SLC14A2: variants seen among roughly 807,000 people sequenced by gnomAD.
SLC14A2 encodes the protein urea transporter 2.
In SLC14A2, 91 loss-of-function variants were observed where a neutral mutation model predicts 104.6. The ratio of observed to expected loss-of-function variants is 0.87; its 90% CI spans 0.73 to 1.04. SLC14A2 has a LOEUF of 1.04. SLC14A2 is among the 50% of genes least tolerant of loss of function. The probability of loss-of-function intolerance (pLI) is 0.00; values close to 1 mark genes in which losing one functional copy is unlikely to be tolerated. For synonymous variants in SLC14A2, 476 were observed against 466.4 expected (o/e 1.02, Z -0.27); for missense variants, 1,189 against 1,156.0 (o/e 1.03, Z -0.41).
chr18:45,364,799 A>G (rs541538715), intron 1 of SLC14A2, among the ~76,000 whole-genome samples: 126 of 152,304 alleles, frequency 8.3e-4, no homozygotes, highest in African/African-American at 3.0e-3. Flanking sequence ...TTTCTCCAGA[A>G]GTAAGAATGG....
At chr18:45,202,226 A>T in the SLC14A2 span, among the ~76,000 whole-genome samples, 1 of 152,144 alleles carries the variant, frequency 6.6e-6, no homozygotes. Flanking sequence ...AGTGGTTGCT[A>T]TAGATATAGC....
At position 45,576,433 on chromosome 18, in the gene SLC14A2, G is replaced by A. The variant is rs189992921; in HGVS notation, c.-34-48198G>A. 2.2e-3 allele frequency among the ~76,000 whole-genome samples: 327 copies of A among 152,022 alleles called. 2 individuals are homozygous for A. The highest frequency in any genetic ancestry group is 7.5e-3 in the African/African-American group (309 of 41,454). On this transcript the variant is annotated intron_variant, in intron 2 of 20. Transcript: ENST00000586448. ...TGAGTAGCTGGGACTACAGGCACAC[G>A]CCACCACGCCCGGCTAATTTGTTTG... is the stretch of plus-strand genomic sequence containing the variant.
chr18:45,245,614 T>A (rs1286289121), intron 1 of SLC14A2, among the ~76,000 whole-genome samples: 2 of 152,238 alleles, frequency 1.3e-5, no homozygotes, highest in Non-Finnish European at 2.9e-5. Flanking sequence ...CTTTACTTTC[T>A]GGTCACAACC....
chr18:45,628,545 T>G (rs1568304981), intron 4 of SLC14A2, among the ~76,000 whole-genome samples: 1 of 152,156 alleles, frequency 6.6e-6, no homozygotes, highest in Non-Finnish European at 1.5e-5. Flanking sequence ...AGTGGGTACT[T>G]TTAACAAGGT....
chr18:45,373,866 C>A (rs1474871423), intron 1 of SLC14A2, among the ~76,000 whole-genome samples: 2 of 152,040 alleles, frequency 1.3e-5, no homozygotes, highest in African/African-American at 4.8e-5. Context: ...AAGACAGTGC[C>A]CCTAGATAGT....
chr18:45,570,169 G>A (rs986918329), intron 2 of SLC14A2, among the ~76,000 whole-genome samples: 2 of 152,154 alleles, frequency 1.3e-5, no homozygotes, highest in Non-Finnish European at 2.9e-5. Flanking sequence ...GAAGGATGAA[G>A]AACACAGCCC....
Position 45,431,865 on chromosome 18 carries a change from G to A in SLC14A2, c.-124-51368G>A, listed in dbSNP as rs555184611. ...AAATGAAGGAAGTGGGAAGTGTGAC[G>A]ATGAGGAGAGGAAGAAACAAACTTC... On this transcript the variant is annotated intron_variant, in intron 1 of 20. Transcript: ENST00000586448. Among the ~76,000 whole-genome samples, 70 of 152,322 alleles carry A rather than the reference G, an allele frequency of 4.6e-4. 1 individual carries two copies. The highest frequency in any genetic ancestry group is 7.8e-4 in the Admixed American group (12 of 15,306).
At chr18:45,622,705 G>A (rs940023536) in intron 1 of SLC14A2, among the ~76,000 whole-genome samples, 9 of 152,096 alleles carry the variant, frequency 5.9e-5, no homozygotes, top group Non-Finnish European at 1.3e-4. Flanking sequence ...CAGATATAAC[G>A]GCCAAAGAGT....
chr18:45,667,244 T>C (rs1843262557), intron 13 of SLC14A2, 150 bp downstream of exon 13: 2 of 616,116 alleles, frequency 3.2e-6, no homozygotes, highest in South Asian at 4.9e-5. Context: ...AGCTGGGAGT[T>C]TTGCTGTTAA....
Position 45,625,766 on chromosome 18 carries a change from G to T in SLC14A2, c.234G>T (p.Val78=). ...GGAGTAAAAGGAAAGACGACGGGGT[G>T]GCCCATCGGGACTCAGCAGGCCAAA... The part of the protein sequence containing the change: ...NERSKRKDDG[V]AHRDSAGQRC... Residue 78 remains valine (V), a synonymous_variant, in exon 3 of 20, where the codon GTG becomes GTT. Transcript: ENST00000255226. 6.4e-7 allele frequency: 1 copy of T among 1,563,548 alleles called. No homozygotes were observed. The highest frequency in any genetic ancestry group is 1.2e-5 in the South Asian group (1 of 81,842).
At chr18:45,191,725 T>G in the SLC14A2 span, among the ~76,000 whole-genome samples, 1 of 152,114 alleles carries the variant, frequency 6.6e-6, no homozygotes, top group African/African-American at 2.4e-5. Flanking sequence ...CCTCACTTTG[T>G]GGCATGAGAC....
At chr18:45,197,714 T>G in the SLC14A2 span, among the ~76,000 whole-genome samples, 1 of 152,200 alleles carries the variant, frequency 6.6e-6, no homozygotes, top group African/African-American at 2.4e-5. Flanking sequence ...AGTGCGTCAT[T>G]TCCCCCTGAA....
At chr18:45,323,709 G>T (rs76207215) in intron 1 of SLC14A2, among the ~76,000 whole-genome samples, 4 of 152,178 alleles carry the variant, frequency 2.6e-5, no homozygotes, top group African/African-American at 9.7e-5. Context: ...CAGCATCCTA[G>T]CACTTCCTGT....
intron 1 of SLC14A2, among the ~76,000 whole-genome samples, chr18:45,391,364 T>G (rs2085961101): frequency 6.6e-6 from 1 of 152,238 alleles, no homozygotes; most frequent in Admixed American, 6.5e-5. Flanking sequence ...TTTGCTATTG[T>G]GAATAGTGCC....
chr18:45,352,826 G>A (rs1436222247), intron 1 of SLC14A2, among the ~76,000 whole-genome samples: 1 of 152,136 alleles, frequency 6.6e-6, no homozygotes, highest in African/African-American at 2.4e-5. Context: ...AGGGTCAAGA[G>A]ATAAGGAGAG....
At position 45,540,218 on chromosome 18, in the gene SLC14A2, A is replaced by G. The variant is rs575483420; in HGVS notation, c.-35+56896A>G. On this transcript the variant is annotated intron_variant, in intron 2 of 20. Coordinates refer to the SLC14A2 transcript ENST00000586448. ...GTGGGCAGGACCTCCCAGCCCCTAC[A>G]CCCCATTTGGACTCTCCTTCCTGGC... is the stretch of plus-strand genomic sequence containing the variant. Among the ~76,000 whole-genome samples, 188 of 151,622 alleles carry G rather than the reference A, an allele frequency of 1.2e-3. 1 individual carries two copies. The highest frequency in any genetic ancestry group is 4.2e-3 in the African/African-American group (175 of 41,410).
the SLC14A2 span, among the ~76,000 whole-genome samples, chr18:45,184,653 G>A: frequency 6.6e-6 from 1 of 151,156 alleles, no homozygotes; most frequent in Admixed American, 6.6e-5. Context: ...AAGTATAAAA[G>A]TAAAGGAAAA....
intron 10 of SLC14A2, 36 bp downstream of exon 10, chr18:45,644,196 C>A (rs775187412): frequency 2.5e-6 from 4 of 1,604,090 alleles, no homozygotes; most frequent in African/African-American, 2.7e-5. Flanking sequence ...ACGCTCTTTG[C>A]CTGACCTGAT....
At chr18:45,557,263 GCTAC>G (rs1265770311) in intron 2 of SLC14A2, among the ~76,000 whole-genome samples, 3 of 152,178 alleles carry the variant, frequency 2.0e-5, no homozygotes, top group African/African-American at 7.2e-5. Flanking sequence ...CTCATGCCAT[GCTAC>G]CTGTTTCCCA....
Sources: gnomAD v4.1 joint callset for allele counts (sites outside exome capture counted in the v4.1 genomes callset) on GRCh38, gnomAD v4.1.1 for gene constraint, MANE v1.5 for transcripts, NCBI Gene and HGNC (gene_info 2026-07-23, HGNC 2026-07-21) for gene names.